The following JAK2 variants were observed in gnomAD, a reference collection of about 807,000 sequenced individuals.
The protein encoded by JAK2 is Janus kinase 2, also known as tyrosine-protein kinase JAK2.
JAK2 carries 86 observed loss-of-function variants against 139.3 expected under a neutral mutation model. That is an observed-to-expected ratio of 0.62 (90% CI 0.52 to 0.74). JAK2 has a LOEUF of 0.74. JAK2 is among the 30% of genes least tolerant of loss of function. The probability of loss-of-function intolerance (pLI) is 0.00; values close to 1 mark genes in which losing one functional copy is unlikely to be tolerated. For synonymous variants in JAK2, 490 were observed against 437.7 expected (o/e 1.12, Z -1.49); for missense variants, 1,421 against 1,360.3 (o/e 1.04, Z -0.70).
At chr9:5,081,645 G>A in intron 18 of JAK2, 80 bp from the exon 19 acceptor site, 1 of 923,912 alleles carries the variant, frequency 1.1e-6, no homozygotes, top group East Asian at 2.4e-5. Flanking sequence ...CGATTATTTT[G>A]GTCAACTTGA....
At chr9:5,062,192 T>C (rs1031142193) in intron 8 of JAK2, among the ~76,000 whole-genome samples, 54 of 152,048 alleles carry the variant, frequency 3.6e-4, no homozygotes, top group Admixed American at 3.5e-3. Flanking sequence ...AACCTGCATA[T>C]GTGTAGGGCT....
intron 2 of JAK2, among the ~76,000 whole-genome samples, chr9:5,006,357 C>T (rs1821300976): frequency 6.6e-6 from 1 of 152,076 alleles, no homozygotes; most frequent in South Asian, 2.1e-4. Flanking sequence ...TGAGACTTTG[C>T]TGAAGTTGCT....
At position 5,090,643 on chromosome 9, in the gene JAK2, C is replaced by T. The variant is rs549456630; in HGVS notation, c.2886+73C>T. ...AGTAGACATTAGGAAATCATCTAGA[C>T]GTTTTCATAGATAATAAAGGGAATA... On this transcript the variant is annotated intron_variant, in intron 21 of 24. Transcript: ENST00000381652. 6.6e-5 allele frequency: 99 copies of T among 1,508,368 alleles called. 2 individuals carry two copies. In the South Asian group the frequency reaches 6.7e-4, roughly 10 times the overall value. The allele number at this position is 1,508,368 out of a possible 1,614,324, so 93.4% of individuals were successfully genotyped here. A position where few individuals can be genotyped will look rare whatever the true frequency, so the allele number is the denominator to read the frequency against.
At chr9:5,069,271 A>ATCTTCAGTACATTGAG (rs1818786116) in intron 11 of JAK2, 63 bp downstream of exon 11, 3 of 1,069,092 alleles carry the variant, frequency 2.8e-6, no homozygotes, top group Non-Finnish European at 4.1e-6. Flanking sequence ...GGCGTGAAGT[A>ATCTTCAGTACATTGAG]TCTTCAGTAC....
intron 22 of JAK2, among the ~76,000 whole-genome samples, chr9:5,092,700 C>T (rs953111877): frequency 6.6e-6 from 1 of 152,076 alleles, no homozygotes; most frequent in African/African-American, 2.4e-5. Context: ...CCCCCGAAAC[C>T]AAATGAGCTA....
chr9:5,025,414 C>A (rs151152004), intron 3 of JAK2, among the ~76,000 whole-genome samples: 1 of 152,128 alleles, frequency 6.6e-6, no homozygotes, highest in East Asian at 1.9e-4. Flanking sequence ...CTTGTCTGGG[C>A]CTGATGGTGG....
intron 22 of JAK2, among the ~76,000 whole-genome samples, chr9:5,107,171 A>C (rs1055876933): frequency 2.0e-5 from 3 of 152,286 alleles, no homozygotes; most frequent in Admixed American, 6.5e-5. Flanking sequence ...TTTAGTATAA[A>C]GAGTACCATT....
At chr9:5,118,090 A>G (rs534786590) in intron 22 of JAK2, among the ~76,000 whole-genome samples, 1 of 152,310 alleles carries the variant, frequency 6.6e-6, no homozygotes, top group South Asian at 2.1e-4. Context: ...ACTGAATCTA[A>G]ATAGTGCTTG....
intron 11 of JAK2, 141 bp downstream of exon 11, chr9:5,069,349 G>C (rs1818790186): frequency 1.8e-6 from 1 of 556,896 alleles, no homozygotes; most frequent in Non-Finnish European, 3.1e-6. Flanking sequence ...TATTGTACAA[G>C]CATCATCAAA....
chr9:5,048,022 G>A (rs1445520677), intron 5 of JAK2, among the ~76,000 whole-genome samples: 1 of 152,080 alleles, frequency 6.6e-6, no homozygotes, highest in African/African-American at 2.4e-5. Context: ...TTTCTCTAGT[G>A]AATAGTTTAT....
intron 2 of JAK2, among the ~76,000 whole-genome samples, chr9:5,008,878 T>C (rs775842386): frequency 6.6e-6 from 1 of 152,196 alleles, no homozygotes; most frequent in Non-Finnish European, 1.5e-5. Flanking sequence ...GATCCTCTTA[T>C]TTCTTACTTT....
chr9:5,125,782 A>G (rs956077611), intron 23 of JAK2, among the ~76,000 whole-genome samples: 3 of 151,548 alleles, frequency 2.0e-5, no homozygotes, highest in East Asian at 3.8e-4. Flanking sequence ...GGGTATGTAT[A>G]TATGTGAATT....
chr9:5,118,607 T>C (rs1227087313), intron 22 of JAK2, among the ~76,000 whole-genome samples: 2 of 152,238 alleles, frequency 1.3e-5, no homozygotes, highest in South Asian at 4.1e-4. Flanking sequence ...TTTATTTCTA[T>C]AATGGGACAA....
rs181480168 is a variant in JAK2, at chr9:5,002,172, A to C, written c.-26+16150A>C. Among the ~76,000 whole-genome samples the C allele has an allele frequency of 6.6e-5, 10 of 151,666 alleles. No homozygotes were observed. The East Asian group carries it at 1.9e-3, about 29-fold the overall frequency. ...TTCTTTATTGTTTTATATATTATTA[A>C]TTTTTGTTCTTTATTCTTTCTTCAC... On this transcript the variant is annotated intron_variant, in intron 2 of 24. Coordinates refer to ENST00000381652, the MANE Select transcript of JAK2 (RefSeq NM_004972.4).
At chr9:5,114,503 C>T (rs1330350270) in intron 22 of JAK2, 7 of 470,354 alleles carry the variant, frequency 1.5e-5, no homozygotes, top group South Asian at 3.6e-5. Context: ...CACAGGTCTA[C>T]GTGTTTGCAA....
chr9:5,090,111 GT>G (rs1359592617), intron 20 of JAK2, among the ~76,000 whole-genome samples: 1 of 152,020 alleles, frequency 6.6e-6, no homozygotes, highest in Non-Finnish European at 1.5e-5. Context: ...TAAAGGAATT[GT>G]TTTTGTTTAC....
At position 5,054,543 on chromosome 9, in the gene JAK2, A is replaced by T. The variant is rs781298354; in HGVS notation, c.615-20A>T. 1 of 1,532,172 alleles carries T rather than the reference A, an allele frequency of 6.5e-7. No homozygotes were observed. 94.9% of individuals were successfully genotyped at this position (1,532,172 alleles called of 1,614,324 possible). ...TTTTTGTTTTGTTTTGTTTTTCTGTATGTGCTTTTTTATCCCTAGCTACAA... is the reference window on the plus strand; with the variant it reads ...TTTTTGTTTTGTTTTGTTTTTCTGTTTGTGCTTTTTTATCCCTAGCTACAA... On this transcript the variant is annotated intron_variant, in intron 6 of 24. Transcript: ENST00000381652. The surrounding 1 kb of genome is among the most constrained non-coding windows in gnomAD (Gnocchi z 4.9).
At position 5,044,539 on chromosome 9, in the gene JAK2, ACTTG is replaced by A; in HGVS notation, c.468+20_468+23del. 7.3e-7 allele frequency: 1 copy of A among 1,367,936 alleles called. No homozygotes were observed. Among genetic ancestry groups the A allele is most frequent in the Non-Finnish European group, 1.0e-6 (1 of 977,770 alleles). The allele number at this position is 1,367,936 out of a possible 1,614,324, so 84.7% of individuals were successfully genotyped here. ...TGCTCAGGTATGATTATATTATCTT[ACTTG>A]TACATGAGTTAAATGATAAATATCT... On this transcript the variant is annotated intron_variant, in intron 5 of 24. Coordinates refer to ENST00000381652, the MANE Select transcript of JAK2 (RefSeq NM_004972.4).
At chr9:5,087,982 AAAAT>A (rs1820265992) in intron 19 of JAK2, among the ~76,000 whole-genome samples, 1 of 152,260 alleles carries the variant, frequency 6.6e-6, no homozygotes, top group East Asian at 1.9e-4. Flanking sequence ...GTGGCACTAG[AAAAT>A]AAATTTTATG....
Sources: allele counts gnomAD v4.1 joint callset (sites outside exome capture counted in the v4.1 genomes callset), GRCh38; gene constraint gnomAD v4.1.1; non-coding constraint Gnocchi (gnomAD v3.1); transcripts MANE v1.5; gene names NCBI Gene and HGNC (gene_info 2026-07-23, HGNC 2026-07-21).